The following GPN2 variants were observed in gnomAD, a reference collection of about 807,000 sequenced individuals.
GPN2 encodes the protein GPN-loop GTPase 2, also known as ATP-binding domain 1 family member B.
Under a neutral mutation model 30.1 loss-of-function variants are expected in GPN2, and 27 were observed. That is an observed-to-expected ratio of 0.90 (90% confidence interval 0.66 to 1.24). The LOEUF is 1.24. GPN2 is among the 50% of genes most tolerant of loss of function. GPN2 has a pLI of 0.00. For missense variants in GPN2, 406 were observed against 405.4 expected, an observed-to-expected ratio of 1.00 and a Z score of -0.01; for synonymous variants, 212 against 174.4, an observed-to-expected ratio of 1.22 and a Z score of -1.70.
chr1:26,881,368 A>C (rs549367309), intron 4 of GPN2, among the ~76,000 whole-genome samples: 2 of 152,364 alleles, frequency 1.3e-5, no homozygotes, highest in South Asian at 4.1e-4. Flanking sequence ...AAAGTATTGA[A>C]TATCTCATGT....
chr1:26,879,596 T>C lies in GPN2; in HGVS notation c.*81A>G. 2 of 1,060,418 alleles carry C rather than the reference T, an allele frequency of 1.9e-6. No individual in the cohort carries two copies. The highest frequency in any genetic ancestry group is 1.6e-5 in the African/African-American group (1 of 63,746). The allele number at this position is 1,060,418 out of a possible 1,614,324, so 65.7% of individuals were successfully genotyped here. On this transcript the variant is annotated 3_prime_UTR_variant, in exon 5 of 5. Transcript: ENST00000374135. ...AGCTCTGGCTGGGAGGACTTGCTCT[T>C]GGGTCTGCAGCCTGCATCAGGAGCC...
Position 26,879,606 on chromosome 1 carries a change from G to A in GPN2, c.*71C>T. 2 of 1,158,942 alleles carry A rather than the reference G, an allele frequency of 1.7e-6. No homozygotes were observed. The highest frequency in any genetic ancestry group is 2.6e-6 in the Non-Finnish European group (2 of 778,486). The allele number at this position is 1,158,942 out of a possible 1,614,324, so 71.8% of individuals were successfully genotyped here. A position where few individuals can be genotyped will look rare whatever the true frequency, so the allele number is the denominator to read the frequency against. ...GGGAGGACTTGCTCTTGGGTCTGCA[G>A]CCTGCATCAGGAGCCTCCACTTTCC... is the stretch of plus-strand genomic sequence containing the variant. On this transcript the variant is annotated 3_prime_UTR_variant, in exon 5 of 5. Transcript: ENST00000374135.
rs1487806613 is a variant in GPN2 at position 26,877,605 on chromosome 1, G to A, written c.*2072C>T. On this transcript the variant is annotated 3_prime_UTR_variant, in exon 5 of 5. Transcript: ENST00000374135. The stretch of plus-strand genomic sequence containing the variant: ...TTATGAGAAAGCCAGGCTGACCAAA[G>A]TTCAAACTTCTCATCTTTCTGCTTC... 1 of 152,208 alleles carries A rather than the reference G, an allele frequency of 6.6e-6. No homozygotes were observed. Among genetic ancestry groups the A allele is most frequent in the Non-Finnish European group, 1.5e-5 (1 of 68,044 alleles). 9.4% of individuals were successfully genotyped at this position (152,208 alleles called of 1,614,324 possible).
intron 2 of GPN2, among the ~76,000 whole-genome samples, chr1:26,886,812 C>G (rs990499498): frequency 6.7e-6 from 1 of 148,478 alleles, no homozygotes; most frequent in African/African-American, 2.5e-5. Flanking sequence ...AGCAAGACTC[C>G]GTCTCAAAAA....
intron 2 of GPN2, among the ~76,000 whole-genome samples, chr1:26,888,313 CCTT>C (rs1442780688): frequency 6.6e-6 from 1 of 152,168 alleles, no homozygotes; most frequent in African/African-American, 2.4e-5. Flanking sequence ...AATATAGCCT[CCTT>C]CTGTGAGGAC....
chr1:26,887,403 A>G (rs2081896233), intron 2 of GPN2, among the ~76,000 whole-genome samples: 1 of 152,076 alleles, frequency 6.6e-6, no homozygotes, highest in African/African-American at 2.4e-5. Context: ...CCATGTCCAG[A>G]CTAGAAGCTA....
At chr1:26,886,858 T>C (rs1294135378) in intron 2 of GPN2, among the ~76,000 whole-genome samples, 1 of 151,760 alleles carries the variant, frequency 6.6e-6, no homozygotes, top group Non-Finnish European at 1.5e-5. Context: ...CCGGACGTGG[T>C]GGCACATGCC....
intron 2 of GPN2, among the ~76,000 whole-genome samples, chr1:26,888,662 A>C (rs1394842691): frequency 6.6e-6 from 1 of 152,238 alleles, no homozygotes; most frequent in African/African-American, 2.4e-5. Flanking sequence ...ATTCAGTGGC[A>C]GATCCAGAAT....
chr1:26,890,108 G>A lies in GPN2; in HGVS notation c.-12C>T. On this transcript the variant is annotated 5_prime_UTR_variant, in exon 1 of 5. Coordinates refer to ENST00000374135, the MANE Select transcript of GPN2 (RefSeq NM_018066.4). ...GCGGCCCCTGCCATTGGCGGCCCGC[G>A]GCCCGGAGCAGGTCAACTCACAGGG... 6.6e-7 allele frequency: 1 copy of A among 1,507,264 alleles called. No individual in the cohort carries two copies. Among genetic ancestry groups the A allele is most frequent in the South Asian group, 1.3e-5 (1 of 77,708 alleles). 93.4% of individuals were successfully genotyped at this position (1,507,264 alleles called of 1,614,324 possible).
In GPN2 at chr1:26,884,198, C is replaced by T. The variant is rs748504717; in HGVS notation, c.822G>A (p.Met274Ile). The T allele has an allele frequency of 1.9e-6, 3 of 1,614,058 alleles. No homozygotes were observed. In the East Asian group the frequency reaches 6.7e-5, roughly 36 times the overall value. ...RAQEQRSLEA[M>I]MSAAMGADFH... Reference sequence around the variant, plus strand: ...AGTCGGCTCCCATTGCGGCAGACATCATGGCTTCCAAGCTTCGCTGCTCTT... The same window carrying T: ...AGTCGGCTCCCATTGCGGCAGACATTATGGCTTCCAAGCTTCGCTGCTCTT... The change falls in exon 4 of 5, where the codon ATG becomes ATA. Residue 274 changes from methionine to isoleucine, a missense_variant. Coordinates refer to ENST00000374135, the MANE Select transcript of GPN2 (RefSeq NM_018066.4).
intron 3 of GPN2, 134 bp downstream of exon 3, chr1:26,885,839 A>C (rs2081887854): frequency 2.9e-6 from 2 of 680,854 alleles, no homozygotes; most frequent in Non-Finnish European, 5.2e-6. Flanking sequence ...TCGGCCTCCC[A>C]AAGTGCTAGG....
intron 4 of GPN2, among the ~76,000 whole-genome samples, chr1:26,881,585 T>G (rs1269485647): frequency 1.3e-5 from 2 of 152,182 alleles, no homozygotes; most frequent in African/African-American, 4.8e-5. Context: ...CTACAAAAAT[T>G]AGCTGGCCAC....
Position 26,884,299 on chromosome 1 carries a change from G to C in GPN2, c.730-9C>G. 1.2e-6 allele frequency: 2 copies of C among 1,601,178 alleles called. No homozygotes were observed. Among genetic ancestry groups the C allele is most frequent in the Non-Finnish European group, 8.5e-7 (1 of 1,176,532 alleles). On this transcript the variant is annotated splice_polypyrimidine_tract_variant and intron_variant, in intron 3 of 4. Coordinates refer to ENST00000374135, the MANE Select transcript of GPN2 (RefSeq NM_018066.4). ...TGGATGCTCTCCTTGTCCTGAGCAGGGAGGAGAGAAACAGTTCTGTGAGTG... is the reference window on the plus strand; with the variant it reads ...TGGATGCTCTCCTTGTCCTGAGCAGCGAGGAGAGAAACAGTTCTGTGAGTG...
chr1:26,890,238 G>C lies in GPN2; in HGVS notation c.-142C>G. 1.4e-6 allele frequency: 1 copy of C among 712,404 alleles called. No individual in the cohort carries two copies. Among genetic ancestry groups the C allele is most frequent in the Non-Finnish European group, 2.2e-6 (1 of 451,518 alleles). The allele number at this position is 712,404 out of a possible 1,614,324, so 44.1% of individuals were successfully genotyped here. A position where few individuals can be genotyped will look rare whatever the true frequency, so the allele number is the denominator to read the frequency against. On this transcript the variant is annotated 5_prime_UTR_variant, in exon 1 of 5. Transcript: ENST00000374135. ...CACTCGCCTCAGGCGGAACAGCTGA[G>C]ACCGTGTCGCGCAAAAGGAGATAAC...
At chr1:26,881,976 G>GA (rs2081866589) in intron 4 of GPN2, among the ~76,000 whole-genome samples, 1 of 152,232 alleles carries the variant, frequency 6.6e-6, no homozygotes, top group Non-Finnish European at 1.5e-5. Flanking sequence ...AGCACTTTGG[G>GA]AGGCCAAGGC....
Position 26,890,030 on chromosome 1 carries a change from T to A in GPN2, c.67A>T (p.Thr23Ser). 6.3e-7 allele frequency: 1 copy of A among 1,596,104 alleles called. No homozygotes were observed. Among genetic ancestry groups the A allele is most frequent in the Non-Finnish European group, 8.5e-7 (1 of 1,177,796 alleles). Residue 23 changes from threonine (T) to serine (S), a missense_variant, in exon 1 of 5, where the codon ACC becomes TCC. By Grantham distance (58) the Thr-to-Ser change is moderately conservative. Transcript: ENST00000374135. ...AVIGPPGSGK[T>S]TYCLGMSEFL... is the part of the protein sequence containing the mutation. ...TCACTCATGCCCAGGCAGTACGTGGTCTTCCCTGAGCCCGGCGGGCCGATC... is the reference window on the plus strand; with the variant it reads ...TCACTCATGCCCAGGCAGTACGTGGACTTCCCTGAGCCCGGCGGGCCGATC...
chr1:26,884,314 T>C, intron 3 of GPN2, 24 bp from the exon 4 acceptor site: 1 of 1,594,386 alleles, frequency 6.3e-7, no homozygotes, highest in Non-Finnish European at 8.5e-7. Flanking sequence ...AGAGAAACAG[T>C]TCTGTGAGTG....
intron 3 of GPN2, 74 bp downstream of exon 3, chr1:26,885,886 ACCATTCTTTAAGC>A (rs1254266258): frequency 5.2e-5 from 57 of 1,085,840 alleles, no homozygotes; most frequent in Non-Finnish European, 7.3e-5. Context: ...GCCGGCAAAG[ACCATTCTTTAAGC>A]CCTCAAAGCT....
Position 26,880,533 on chromosome 1 carries a change from G to A in GPN2, c.861-784C>T, listed in dbSNP as rs570091938. 4.6e-5 allele frequency among the ~76,000 whole-genome samples: 7 copies of A among 152,146 alleles called. No homozygotes were observed. In the South Asian group the frequency reaches 1.0e-3, roughly 23 times the overall value. On this transcript the variant is annotated intron_variant, in intron 4 of 4. Transcript: ENST00000374135. ...TCACCATGTTGACAGAAATGGTCTC[G>A]ATCTCCTGACCTCGTGATCCGCCCG...
Sources: gnomAD v4.1 joint callset for allele counts (sites outside exome capture counted in the v4.1 genomes callset) on GRCh38, gnomAD v4.1.1 for gene constraint, MANE v1.5 for transcripts, NCBI Gene and HGNC (gene_info 2026-07-23, HGNC 2026-07-21) for gene names.